H2AP: variants seen among roughly 807,000 people sequenced by gnomAD.
The protein encoded by H2AP is H2A.P histone.
For synonymous variants in H2AP, 36 were observed against 35.2 expected, an observed-to-expected ratio of 1.02 and a Z score of -0.08; for missense variants, 108 against 97.4, an observed-to-expected ratio of 1.11 and a Z score of -0.46.
Position 37,991,138 on chromosome X carries a change from G to C in H2AP, c.299G>C (p.Ser100Thr). 1 of 1,211,599 alleles carries C rather than the reference G, an allele frequency of 8.3e-7. No homozygotes were observed. Among genetic ancestry groups the C allele is most frequent in the Non-Finnish European group, 1.1e-6 (1 of 895,477 alleles). ...DNNREPHSAE[S>T]DVTRFLFDEM... ...AACCGTGAGCCCCACAGCGCTGAGAGTGATGTGACTCGCTTTTTGTTTGAT... is the reference window on the plus strand; with the variant it reads ...AACCGTGAGCCCCACAGCGCTGAGACTGATGTGACTCGCTTTTTGTTTGAT... Residue 100 changes from serine to threonine, a missense_variant, in exon 1 of 1, where the codon AGT becomes ACT. Ser to Thr is a moderately conservative substitution (Grantham distance 58, BLOSUM62 1). Coordinates refer to ENST00000341016, the MANE Select transcript of H2AP (RefSeq NM_012274.2).
chrX:37,990,882 A>G lies in H2AP; in HGVS notation c.43A>G (p.Asn15Asp), dbSNP rs1933546441. The G allele has an allele frequency of 2.5e-6, 3 of 1,208,609 alleles. No homozygotes were observed. In the African/African-American group the frequency reaches 5.3e-5, roughly 21 times the overall value. Residue 15 changes from asparagine (N) to aspartate (D), a missense_variant, in exon 1 of 1, where the codon AAC (asparagine) becomes GAC (aspartate). Physicochemically the swap from Asn to Asp is conservative, Grantham distance 23. Transcript: ENST00000341016. ...CTGTAAGAACTCGTCTACAAATAAC[A>G]ACCAGACTCAAGACCCTTCTAGAAA... is the stretch of plus-strand genomic sequence containing the variant. ...KNCKNSSTNNNQTQDPSRNEL... is the reference protein window; with the variant it reads ...KNCKNSSTNNDQTQDPSRNEL...
Position 37,991,017 on chromosome X carries a change from C to T in H2AP, c.178C>T (p.Leu60Phe). ...INTLLTLLDC[L>F]ADYIMERVGL... ...TACCCTCCTTACCTTGCTCGATTGC[C>T]TTGCTGACTACATCATGGAGCGGGT... is the stretch of plus-strand genomic sequence containing the variant. Residue 60 changes from leucine (L) to phenylalanine (F), a missense_variant, in exon 1 of 1, where the codon CTT becomes TTT. Coordinates refer to ENST00000341016, the MANE Select transcript of H2AP (RefSeq NM_012274.2). The T allele has an allele frequency of 8.3e-7, 1 of 1,212,040 alleles. No homozygotes were observed.
Position 37,991,128 on chromosome X carries a change from A to T in H2AP, c.289A>T (p.Ser97Cys), listed in dbSNP as rs1056753546. 2.5e-6 allele frequency: 3 copies of T among 1,209,706 alleles called. No individual in the cohort carries two copies. The highest frequency in any genetic ancestry group is 3.4e-6 in the Non-Finnish European group (3 of 895,214). The change falls in exon 1 of 1, where the codon AGC becomes TGC. Residue 97 changes from serine (S) to cysteine (C), a missense_variant. Ser to Cys is a moderately radical substitution (Grantham distance 112). Coordinates refer to ENST00000341016, the MANE Select transcript of H2AP (RefSeq NM_012274.2). ...AGTGGACAACAACCGTGAGCCCCAC[A>T]GCGCTGAGAGTGATGTGACTCGCTT... Reference protein sequence around the residue: ...REVDNNREPHSAESDVTRFLF... With the variant: ...REVDNNREPHCAESDVTRFLF...
At position 37,990,949 on chromosome X, in the gene H2AP, A is replaced by C; in HGVS notation, c.110A>C (p.Gln37Pro). 8.3e-7 allele frequency: 1 copy of C among 1,212,033 alleles called. No individual in the cohort carries two copies. Among genetic ancestry groups the C allele is most frequent in the Non-Finnish European group, 1.1e-6 (1 of 895,562 alleles). ...VPRSFVDRVV[Q>P]DERDVQSQSS... The stretch of plus-strand genomic sequence containing the variant: ...AGGAGCTTCGTGGACCGCGTTGTGC[A>C]AGATGAACGAGACGTCCAAAGCCAG... The change falls in exon 1 of 1, where the codon CAA (glutamine) becomes CCA (proline). Residue 37 changes from glutamine (Q) to proline (P), a missense_variant. Gln to Pro is a moderately conservative substitution (Grantham distance 76, BLOSUM62 -1). Coordinates refer to ENST00000341016, the MANE Select transcript of H2AP (RefSeq NM_012274.2).
rs1303730647 is a variant in H2AP at position 37,991,118 on chromosome X, T to G, written c.279T>G (p.Arg93=). The change falls in exon 1 of 1, where the codon CGT becomes CGG. Residue 93 remains arginine, a synonymous_variant. Coordinates refer to ENST00000341016, the MANE Select transcript of H2AP (RefSeq NM_012274.2). ...GGGAGAGAGAAGTGGACAACAACCG[T>G]GAGCCCCACAGCGCTGAGAGTGATG... ...QDREREVDNN[R]EPHSAESDVT... 5.8e-6 allele frequency: 7 copies of G among 1,211,456 alleles called. No individual in the cohort carries two copies. Among genetic ancestry groups the G allele is most frequent in the Non-Finnish European group, 7.8e-6 (7 of 895,448 alleles).
chrX:37,991,018 T>C lies in H2AP; in HGVS notation c.179T>C (p.Leu60Pro). Reference sequence around the variant, plus strand: ...ACCCTCCTTACCTTGCTCGATTGCCTTGCTGACTACATCATGGAGCGGGTA... The same window carrying C: ...ACCCTCCTTACCTTGCTCGATTGCCCTGCTGACTACATCATGGAGCGGGTA... Reference protein sequence around the residue: ...INTLLTLLDCLADYIMERVGL... With the variant: ...INTLLTLLDCPADYIMERVGL... The change falls in exon 1 of 1, where the codon CTT becomes CCT. Residue 60 changes from leucine to proline, a missense_variant. Leu to Pro is a moderately conservative substitution (Grantham distance 98). Coordinates refer to ENST00000341016, the MANE Select transcript of H2AP (RefSeq NM_012274.2). The C allele has an allele frequency of 8.3e-7, 1 of 1,212,004 alleles. No homozygotes were observed. Among genetic ancestry groups the C allele is most frequent in the Non-Finnish European group, 1.1e-6 (1 of 895,610 alleles).
chrX:37,990,832 C>T lies in H2AP; in HGVS notation c.-8C>T. The T allele has an allele frequency of 8.4e-7, 1 of 1,187,096 alleles. No individual in the cohort carries two copies. Among genetic ancestry groups the T allele is most frequent in the Non-Finnish European group, 1.1e-6 (1 of 882,781 alleles). Reference sequence around the variant, plus strand: ...CAGAGCTGATGAGAGCCAAACCCAGCAAACATCATGTCAGAGAAAAAGAAC... The same window carrying T: ...CAGAGCTGATGAGAGCCAAACCCAGTAAACATCATGTCAGAGAAAAAGAAC... On this transcript the variant is annotated 5_prime_UTR_variant, in exon 1 of 1. Transcript: ENST00000341016.
chrX:37,991,271 G>T lies in H2AP; in HGVS notation c.*78G>T. The T allele has an allele frequency of 8.9e-7, 1 of 1,128,569 alleles. No homozygotes were observed. The highest frequency in any genetic ancestry group is 1.2e-6 in the Non-Finnish European group (1 of 852,335). 93.0% of individuals were successfully genotyped at this position (1,128,569 alleles called of 1,213,427 possible). A position where few individuals can be genotyped will look rare whatever the true frequency, so the allele number is the denominator to read the frequency against. ...AATGTGTCACAGCTGAGGAATATCTGCTGTTGTCATCAACAAGTGCTATTA... is the reference window on the plus strand; with the variant it reads ...AATGTGTCACAGCTGAGGAATATCTTCTGTTGTCATCAACAAGTGCTATTA... On this transcript the variant is annotated 3_prime_UTR_variant, in exon 1 of 1. Coordinates refer to ENST00000341016, the MANE Select transcript of H2AP (RefSeq NM_012274.2).
Position 37,990,892 on chromosome X carries a change from A to G in H2AP, c.53A>G (p.Gln18Arg), listed in dbSNP as rs1378926705. 2 of 1,209,351 alleles carry G rather than the reference A, an allele frequency of 1.7e-6. No individual in the cohort carries two copies. The highest frequency in any genetic ancestry group is 4.4e-5 in the Admixed American group (2 of 45,967). The change falls in exon 1 of 1, where the codon CAA becomes CGA. Residue 18 changes from glutamine (Q) to arginine (R), a missense_variant. Physicochemically the swap from Gln to Arg is conservative, Grantham distance 43 (BLOSUM62 1). Coordinates refer to ENST00000341016, the MANE Select transcript of H2AP (RefSeq NM_012274.2). ...TCGTCTACAAATAACAACCAGACTC[A>G]AGACCCTTCTAGAAATGAGCTACAG... ...KNSSTNNNQT[Q>R]DPSRNELQVP...
rs781361111 is a variant in H2AP at position 37,991,218 on chromosome X, G to A, written c.*25G>A. On this transcript the variant is annotated 3_prime_UTR_variant, in exon 1 of 1. Transcript: ENST00000341016. ...AAGACTGGGTCCCAGAGCCTTGAAG[G>A]GAACCTCACAGGCTTAGCCAGGGCA... 26 of 1,192,344 alleles carry A rather than the reference G, an allele frequency of 2.2e-5. No individual in the cohort carries two copies. The highest frequency in any genetic ancestry group is 2.9e-5 in the Non-Finnish European group (26 of 885,290).
Position 37,991,054 on chromosome X carries a change from C to T in H2AP, c.215C>T (p.Ala72Val), listed in dbSNP as rs1933557273. The T allele has an allele frequency of 9.1e-6, 11 of 1,209,559 alleles. No homozygotes were observed. The highest frequency in any genetic ancestry group is 1.2e-5 in the Non-Finnish European group (11 of 895,125). ...ATCATGGAGCGGGTAGGCTTGGAGG[C>T]CAGCAACAATGGCAGTATGCGCAAC... ...DYIMERVGLE[A>V]SNNGSMRNTS... The change falls in exon 1 of 1, where the codon GCC (alanine) becomes GTC (valine). Residue 72 changes from alanine to valine, a missense_variant. By Grantham distance (64) the Ala-to-Val change is moderately conservative (BLOSUM62 0). Transcript: ENST00000341016.
Sources: gnomAD v4.1 joint callset for allele counts on GRCh38, gnomAD v4.1.1 for gene constraint, MANE v1.5 for transcripts, NCBI Gene and HGNC (gene_info 2026-07-23, HGNC 2026-07-21) for gene names.